The following MDGA2 variants were observed in gnomAD, a reference collection of about 807,000 sequenced individuals.
MDGA2 encodes MAM domain-containing glycosylphosphatidylinositol anchor protein 2.
Under a neutral mutation model 117.8 loss-of-function variants are expected in MDGA2, and 40 were observed. The ratio of observed to expected loss-of-function variants is 0.34; its 90% CI spans 0.26 to 0.44. The LOEUF is 0.44. Ranked by LOEUF, MDGA2 falls within the 20% of genes least tolerant of loss-of-function variation. The probability of loss-of-function intolerance (pLI) is 1.00; values close to 1 mark genes in which losing one functional copy is unlikely to be tolerated. For missense variants in MDGA2, 1,123 were observed against 1,250.6 expected, an observed-to-expected ratio of 0.90 and a Z score of 1.54; for synonymous variants, 452 against 439.0, an observed-to-expected ratio of 1.03 and a Z score of -0.37.
At chr14:46,962,922 T>C (rs1039653493) in intron 8 of MDGA2, among the ~76,000 whole-genome samples, 2 of 152,104 alleles carry the variant, frequency 1.3e-5, no homozygotes, top group African/African-American at 2.4e-5. Context: ...GGATCTAGAG[T>C]GTTGTGTTAC....
chr14:47,638,746 A>T (rs1253650242), intron 1 of MDGA2, among the ~76,000 whole-genome samples: 1 of 152,158 alleles, frequency 6.6e-6, no homozygotes, highest in Non-Finnish European at 1.5e-5. Context: ...TCTCTCATAC[A>T]GGTTTAACCC....
intron 1 of MDGA2, among the ~76,000 whole-genome samples, chr14:47,596,698 G>A (rs1896549928): frequency 6.6e-6 from 1 of 152,150 alleles, no homozygotes; most frequent in African/African-American, 2.4e-5. Flanking sequence ...ATGATTAACA[G>A]CTAATACTAC....
chr14:47,261,576 C>A (rs1191452584), intron 2 of MDGA2, among the ~76,000 whole-genome samples: 1 of 152,010 alleles, frequency 6.6e-6, no homozygotes, highest in Non-Finnish European at 1.5e-5. Context: ...CTGAAATAGC[C>A]TAAGTAATAT....
chr14:47,210,628 A>G (rs974111667), intron 3 of MDGA2, among the ~76,000 whole-genome samples: 7 of 152,178 alleles, frequency 4.6e-5, no homozygotes, highest in Non-Finnish European at 1.0e-4. Context: ...GATAGATTTT[A>G]GGGTTCTCAA....
In MDGA2 at chr14:47,358,320, C is replaced by A. The variant is rs552300683; in HGVS notation, c.281-56770G>T. 2.6e-5 allele frequency among the ~76,000 whole-genome samples: 4 copies of A among 152,298 alleles called. No homozygotes were observed. The East Asian group carries it at 5.8e-4, about 22-fold the overall frequency. ...CTTTGGAGAGTCACTGCTTTGGGAA[C>A]TTCCCTAGTGGTCTCTGTACTTGTT... is the stretch of plus-strand genomic sequence containing the variant. On this transcript the variant is annotated intron_variant, in intron 1 of 16. Coordinates refer to ENST00000399232, the MANE Select transcript of MDGA2 (RefSeq NM_001113498.3).
At chr14:47,091,026 A>T (rs1456268335) in intron 6 of MDGA2, among the ~76,000 whole-genome samples, 1 of 152,052 alleles carries the variant, frequency 6.6e-6, no homozygotes, top group East Asian at 1.9e-4. Flanking sequence ...GTTATAAGCT[A>T]CTCTTTTGGG....
chr14:47,611,624 C>A (rs1195797931), intron 1 of MDGA2, among the ~76,000 whole-genome samples: 1 of 151,914 alleles, frequency 6.6e-6, no homozygotes, highest in African/African-American at 2.4e-5. Flanking sequence ...TCACTAATGA[C>A]CAGGGAAATG....
chr14:47,300,122 G>A (rs1422768457), intron 2 of MDGA2, among the ~76,000 whole-genome samples: 1 of 152,170 alleles, frequency 6.6e-6, no homozygotes, highest in Non-Finnish European at 1.5e-5. Flanking sequence ...CCGTCAGTAA[G>A]AGTTAAGAAT....
chr14:47,222,176 A>C (rs527639954), intron 2 of MDGA2, among the ~76,000 whole-genome samples: 3 of 152,244 alleles, frequency 2.0e-5, no homozygotes, highest in Admixed American at 6.5e-5. Context: ...ACATCTAATA[A>C]AAATAAATGA....
chr14:47,437,461 T>C (rs1892921777), intron 1 of MDGA2, among the ~76,000 whole-genome samples: 1 of 152,180 alleles, frequency 6.6e-6, no homozygotes, highest in South Asian at 2.1e-4. Context: ...GCTTATATGT[T>C]GCAACTCTGG....
At chr14:47,153,351 C>A (rs1431936413) in intron 3 of MDGA2, among the ~76,000 whole-genome samples, 1 of 151,978 alleles carries the variant, frequency 6.6e-6, no homozygotes, top group Non-Finnish European at 1.5e-5. Flanking sequence ...CCGGGCTGGG[C>A]AAAAGGTGGG....
chr14:47,665,803 CT>C (rs1897939224), intron 1 of MDGA2, among the ~76,000 whole-genome samples: 1 of 31,402 alleles, frequency 3.2e-5, no homozygotes, highest in African/African-American at 1.3e-4. Context: ...CGCCCCCTCC[CT>C]CGCCCCCCCT....
At chr14:47,534,274 T>G (rs1249249306) in intron 1 of MDGA2, among the ~76,000 whole-genome samples, 1 of 152,180 alleles carries the variant, frequency 6.6e-6, no homozygotes, top group African/African-American at 2.4e-5. Context: ...GAGAAGCTGG[T>G]AGCTTCAATA....
chr14:47,162,032 A>G (rs10146069), intron 3 of MDGA2, among the ~76,000 whole-genome samples: 59,143 of 139,440 alleles, frequency 0.42, 12,447 homozygotes, highest in African/African-American at 0.55. Context: ...TGCAACCTCC[A>G]CCTCCCGGAT....
At chr14:47,268,949 T>TC (rs369986059) in intron 2 of MDGA2, among the ~76,000 whole-genome samples, 50 of 150,374 alleles carry the variant, frequency 3.3e-4, no homozygotes, top group African/African-American at 1.2e-3. Flanking sequence ...TATTAACACT[T>TC]TGGGATTATA....
intron 2 of MDGA2, among the ~76,000 whole-genome samples, chr14:47,234,748 C>A (rs1438319713): frequency 6.6e-6 from 1 of 152,114 alleles, no homozygotes; most frequent in African/African-American, 2.4e-5. Flanking sequence ...ACTCTCATTA[C>A]AAAATGAATA....
intron 9 of MDGA2, among the ~76,000 whole-genome samples, chr14:46,943,241 T>C (rs926483987): frequency 4.6e-5 from 7 of 152,042 alleles, no homozygotes; most frequent in Admixed American, 1.3e-4. Flanking sequence ...TGCTATGTAT[T>C]CCCCCATTTC....
intron 3 of MDGA2, among the ~76,000 whole-genome samples, chr14:47,176,403 C>T (rs377157834): frequency 3.3e-5 from 5 of 152,170 alleles, no homozygotes; most frequent in Admixed American, 2.0e-4. Context: ...TCAAACTATA[C>T]TACAAGGCTA....
At chr14:47,086,710 C>A (rs1225974360) in intron 6 of MDGA2, among the ~76,000 whole-genome samples, 1 of 151,984 alleles carries the variant, frequency 6.6e-6, no homozygotes, top group Non-Finnish European at 1.5e-5. Context: ...CCATCCTGGG[C>A]AGCAAATGAA....
Sources: gnomAD v4.1 joint callset for allele counts (sites outside exome capture counted in the v4.1 genomes callset) on GRCh38, gnomAD v4.1.1 for gene constraint, MANE v1.5 for transcripts, NCBI Gene and HGNC (gene_info 2026-07-23, HGNC 2026-07-21) for gene names.